The following NELL1 variants were observed in gnomAD, a reference collection of about 807,000 sequenced individuals.
NELL1 encodes the protein neural EGFL like 1, also known as protein kinase C-binding protein NELL1.
Under a neutral mutation model 107.4 loss-of-function variants are expected in NELL1, and 76 were observed. The observed-to-expected ratio is 0.71, with a 90% CI of 0.59 to 0.86. NELL1 has a LOEUF of 0.86. NELL1 is among the 40% of genes least tolerant of loss of function. The pLI, the probability that NELL1 is intolerant of heterozygous loss-of-function variation, is 0.00. For synonymous variants in NELL1, 353 were observed against 341.2 expected (o/e 1.03, Z -0.38); for missense variants, 1,024 against 1,005.5 (o/e 1.02, Z -0.25).
At chr11:20,748,384 A>G (rs1404417279) in intron 2 of NELL1, among the ~76,000 whole-genome samples, 2 of 152,168 alleles carry the variant, frequency 1.3e-5, no homozygotes, top group Admixed American at 6.5e-5. Flanking sequence ...CCAACACTCA[A>G]TTAGCTTAAG....
At chr11:20,837,451 C>T (rs1848554398) in intron 3 of NELL1, among the ~76,000 whole-genome samples, 1 of 152,056 alleles carries the variant, frequency 6.6e-6, no homozygotes, top group South Asian at 2.1e-4. Context: ...TTTCTTTGTT[C>T]TGTTGGCTGA....
chr11:21,016,445 G>A (rs1299228149), intron 12 of NELL1, among the ~76,000 whole-genome samples: 3 of 152,016 alleles, frequency 2.0e-5, no homozygotes, highest in Non-Finnish European at 4.4e-5. Flanking sequence ...CCATGATTTA[G>A]TTCCACCACC....
chr11:21,384,092 A>C, intron 15 of NELL1, among the ~76,000 whole-genome samples: 1 of 151,974 alleles, frequency 6.6e-6, no homozygotes, highest in Non-Finnish European at 1.5e-5. Context: ...CTCCACTGCT[A>C]TCACCCTTTT....
chr11:21,189,293 A>T (rs1336585105), intron 13 of NELL1, among the ~76,000 whole-genome samples: 1 of 151,798 alleles, frequency 6.6e-6, no homozygotes, highest in South Asian at 2.1e-4. Flanking sequence ...TGCATCTTTA[A>T]TTTGCCTTGA....
At chr11:21,430,845 A>G (rs1358479886) in intron 15 of NELL1, among the ~76,000 whole-genome samples, 1 of 152,150 alleles carries the variant, frequency 6.6e-6, no homozygotes, top group Non-Finnish European at 1.5e-5. Context: ...AACTGTCACT[A>G]TGTTTTTATG....
intron 7 of NELL1, among the ~76,000 whole-genome samples, chr11:20,919,621 G>A (rs918701266): frequency 1.3e-5 from 2 of 151,996 alleles, no homozygotes; most frequent in Admixed American, 1.3e-4. Context: ...TTTTCCTATT[G>A]GCTATTAAAG....
intron 14 of NELL1, among the ~76,000 whole-genome samples, chr11:21,357,148 T>A (rs1850952491): frequency 6.6e-6 from 1 of 152,218 alleles, no homozygotes; most frequent in South Asian, 2.1e-4. Flanking sequence ...AAGTGACTTC[T>A]TTTCCTCCGG....
chr11:20,969,745 T>C (rs1029234207), intron 12 of NELL1, among the ~76,000 whole-genome samples: 2 of 151,910 alleles, frequency 1.3e-5, no homozygotes, highest in African/African-American at 4.8e-5. Flanking sequence ...CCGGGTAACA[T>C]TGGAGAGTCA....
At chr11:21,021,798 G>A (rs1852707882) in intron 12 of NELL1, among the ~76,000 whole-genome samples, 1 of 152,076 alleles carries the variant, frequency 6.6e-6, no homozygotes, top group Non-Finnish European at 1.5e-5. Flanking sequence ...TTAGCTTCAT[G>A]TTTGGGCTGA....
At chr11:21,506,369 C>A (rs1855279006) in intron 15 of NELL1, among the ~76,000 whole-genome samples, 1 of 152,174 alleles carries the variant, frequency 6.6e-6, no homozygotes, top group African/African-American at 2.4e-5. Flanking sequence ...GGTGCTCATT[C>A]ATGGTTGTAA....
chr11:21,521,697 G>T (rs1232662843), intron 15 of NELL1, among the ~76,000 whole-genome samples: 1 of 152,036 alleles, frequency 6.6e-6, no homozygotes, highest in Admixed American at 6.5e-5. Context: ...GTTTTTCATA[G>T]AGGCTGTTCT....
At chr11:20,990,186 T>C (rs1251381761) in intron 12 of NELL1, among the ~76,000 whole-genome samples, 1 of 152,118 alleles carries the variant, frequency 6.6e-6, no homozygotes, top group East Asian at 1.9e-4. Context: ...CTTTCATGGG[T>C]CAGTAAGGTC....
At chr11:20,711,457 G>A (rs1008381383) in intron 2 of NELL1, among the ~76,000 whole-genome samples, 3 of 151,998 alleles carry the variant, frequency 2.0e-5, no homozygotes, top group Non-Finnish European at 4.4e-5. Flanking sequence ...TTCTCATTGT[G>A]TTATTGTTTT....
intron 15 of NELL1, among the ~76,000 whole-genome samples, chr11:21,400,154 G>C (rs1011454221): frequency 6.6e-6 from 1 of 151,700 alleles, no homozygotes; most frequent in East Asian, 2.0e-4. Flanking sequence ...TTGTGTCACA[G>C]AATCCTTCCC....
chr11:20,817,862 A>C (rs6483725), intron 3 of NELL1, among the ~76,000 whole-genome samples: 145,826 of 151,870 alleles, frequency 0.96, 70,272 homozygotes, highest in East Asian at 1. Context: ...GCCTTGTTTT[A>C]ATTGTTTATT....
At chr11:21,164,682 G>A (rs1856443576) in intron 13 of NELL1, among the ~76,000 whole-genome samples, 1 of 152,168 alleles carries the variant, frequency 6.6e-6, no homozygotes. Flanking sequence ...GTCAAGGAAA[G>A]TACAATTCTT....
intron 5 of NELL1, among the ~76,000 whole-genome samples, chr11:20,907,579 A>G (rs1325713111): frequency 6.6e-6 from 1 of 152,162 alleles, no homozygotes; most frequent in South Asian, 2.1e-4. Flanking sequence ...CTATTAGAAA[A>G]TAAGGGGAAA....
chr11:20,791,105 G>A (rs1341440752), intron 3 of NELL1, among the ~76,000 whole-genome samples: 2 of 152,082 alleles, frequency 1.3e-5, no homozygotes, highest in Admixed American at 6.5e-5. Context: ...GTCAGTTTCC[G>A]CAAATAAGTC....
At chr11:20,805,807 A>G (rs567210810) in intron 3 of NELL1, among the ~76,000 whole-genome samples, 3 of 152,360 alleles carry the variant, frequency 2.0e-5, no homozygotes, top group Non-Finnish European at 2.9e-5. Flanking sequence ...TGGCCAACGC[A>G]TTATTTTAAG....
Sources: allele counts gnomAD v4.1 joint callset (sites outside exome capture counted in the v4.1 genomes callset), GRCh38; gene constraint gnomAD v4.1.1; transcripts MANE v1.5; gene names NCBI Gene and HGNC (gene_info 2026-07-23, HGNC 2026-07-21).